PTPRD: variants seen among roughly 807,000 people sequenced by gnomAD.
The protein encoded by PTPRD is protein tyrosine phosphatase receptor type D.
A neutral mutation model predicts 214.5 loss-of-function variants in PTPRD; 34 were observed. The observed-to-expected ratio is 0.16, with a 90% CI of 0.12 to 0.21. The LOEUF (loss-of-function observed/expected upper bound fraction) is 0.21, where lower values mean the gene tolerates loss of function less well. PTPRD is among the 10% of genes least tolerant of loss of function. The pLI, the probability that PTPRD is intolerant of heterozygous loss-of-function variation, is 1.00. For missense variants in PTPRD, 2,545 were observed against 2,398.7 expected (o/e 1.06, Z -1.27); for synonymous variants, 1,128 against 845.7 (o/e 1.33, Z -5.79).
chr9:8,551,555 T>A (rs1418676107), intron 14 of PTPRD, among the ~76,000 whole-genome samples: 1 of 152,098 alleles, frequency 6.6e-6, no homozygotes, highest in Non-Finnish European at 1.5e-5. Context: ...GATGCAAGAG[T>A]GATACAATTT....
intron 9 of PTPRD, among the ~76,000 whole-genome samples, chr9:9,223,630 A>G (rs753336554): frequency 1.4e-4 from 22 of 152,000 alleles, no homozygotes; most frequent in Non-Finnish European, 2.8e-4. Context: ...ACATCTCTCT[A>G]TGAAAGTAGA....
At chr9:9,448,210 C>T (rs1490640166) in intron 8 of PTPRD, among the ~76,000 whole-genome samples, 10 of 151,972 alleles carry the variant, frequency 6.6e-5, no homozygotes, top group Admixed American at 5.9e-4. Flanking sequence ...CACATTTATA[C>T]ACTTAGTCAA....
intron 39 of PTPRD, among the ~76,000 whole-genome samples, chr9:8,362,019 A>G (rs915282477): frequency 2.0e-5 from 3 of 152,254 alleles, no homozygotes; most frequent in African/African-American, 7.2e-5. Flanking sequence ...GAGATTGCCC[A>G]TGCAGAAATG....
rs189140605 is a variant in PTPRD at position 10,147,744 on chromosome 9, G to C, written c.-544-113954C>G. ...AAAATAGAAAAATTAGCCAGGCATTGCGGCAGGCTCCTGTAATCCCAGCCA... is the reference window on the plus strand; with the variant it reads ...AAAATAGAAAAATTAGCCAGGCATTCCGGCAGGCTCCTGTAATCCCAGCCA... On this transcript the variant is annotated intron_variant, in intron 3 of 45. Transcript: ENST00000381196. Among the ~76,000 whole-genome samples, 82 of 152,204 alleles carry C rather than the reference G, an allele frequency of 5.4e-4. 1 individual carries two copies. The highest frequency in any genetic ancestry group is 4.5e-3 in the Admixed American group (68 of 15,262).
chr9:8,877,146 C>T (rs2098400840), intron 11 of PTPRD, among the ~76,000 whole-genome samples: 2 of 151,956 alleles, frequency 1.3e-5, no homozygotes, highest in South Asian at 2.1e-4. Flanking sequence ...AGGATGGTCT[C>T]CATCTCCTGA....
At chr9:8,649,208 G>A (rs1380194083) in intron 12 of PTPRD, among the ~76,000 whole-genome samples, 3 of 152,192 alleles carry the variant, frequency 2.0e-5, no homozygotes, top group East Asian at 3.8e-4. Context: ...GTGATGAACT[G>A]TACTAGCTTC....
chr9:9,973,135 A>T (rs887860133), intron 4 of PTPRD, among the ~76,000 whole-genome samples: 4 of 152,006 alleles, frequency 2.6e-5, no homozygotes, highest in African/African-American at 9.7e-5. Flanking sequence ...TCTCTCCAAC[A>T]GGGTTAACTT....
intron 7 of PTPRD, among the ~76,000 whole-genome samples, chr9:9,703,330 T>A (rs1454928014): frequency 6.6e-6 from 1 of 152,218 alleles, no homozygotes; most frequent in African/African-American, 2.4e-5. Context: ...TATTTCTTTA[T>A]AGCAGTGTGA....
intron 3 of PTPRD, among the ~76,000 whole-genome samples, chr9:10,260,313 T>C (rs1306534148): frequency 1.3e-5 from 2 of 152,156 alleles, no homozygotes; most frequent in Non-Finnish European, 2.9e-5. Flanking sequence ...CACAGAGATA[T>C]AATGTTAAAT....
intron 11 of PTPRD, among the ~76,000 whole-genome samples, chr9:8,904,021 ACTT>A (rs1302012009): frequency 2.0e-5 from 3 of 152,314 alleles, no homozygotes; most frequent in South Asian, 2.1e-4. Context: ...TATTTTTTCA[ACTT>A]CTTATTCTGA....
At chr9:9,602,107 A>G (rs530635909) in intron 7 of PTPRD, among the ~76,000 whole-genome samples, 4 of 152,152 alleles carry the variant, frequency 2.6e-5, no homozygotes, top group African/African-American at 7.2e-5. Context: ...GAAAATTCCA[A>G]TATTTTTTCA....
In PTPRD at chr9:9,017,612, A is replaced by G. The variant is rs143625256; in HGVS notation, c.-104+1085T>C. Among the ~76,000 whole-genome samples, 737 of 152,276 alleles carry G rather than the reference A, an allele frequency of 4.8e-3. 5 individuals are homozygous for G. The highest frequency in any genetic ancestry group is 0.017 in the African/African-American group (708 of 41,558). ...TTCATAAATATAGAAAGTTTAGAAC[A>G]CTAGTAAGGAAACTTGAAATAAATC... On this transcript the variant is annotated intron_variant, in intron 11 of 45. Transcript: ENST00000381196.
intron 11 of PTPRD, among the ~76,000 whole-genome samples, chr9:8,770,037 T>A (rs58643799): frequency 0.046 from 7,024 of 152,208 alleles, 404 homozygotes; most frequent in African/African-American, 0.13. Flanking sequence ...TCCCAGCACT[T>A]TGGGAGGCCG....
At chr9:8,947,148 C>T (rs1164139799) in intron 11 of PTPRD, among the ~76,000 whole-genome samples, 2 of 150,982 alleles carry the variant, frequency 1.3e-5, no homozygotes, top group Non-Finnish European at 2.9e-5. Flanking sequence ...AATTTCAATG[C>T]AGCTTTATTT....
chr9:10,251,878 G>T (rs2498609), intron 3 of PTPRD, among the ~76,000 whole-genome samples: 21,086 of 152,074 alleles, frequency 0.14, 1,513 homozygotes, highest in Admixed American at 0.15. Flanking sequence ...AAGGGGAAAT[G>T]TTGGTTTCAG....
intron 5 of PTPRD, among the ~76,000 whole-genome samples, chr9:9,779,679 G>C (rs1384170118): frequency 6.6e-6 from 1 of 152,118 alleles, no homozygotes; most frequent in Non-Finnish European, 1.5e-5. Context: ...TAGTCAGAAT[G>C]GCTATTATTA....
At chr9:9,402,850 G>T (rs1438161497) in intron 8 of PTPRD, among the ~76,000 whole-genome samples, 1 of 150,152 alleles carries the variant, frequency 6.7e-6, no homozygotes, top group Non-Finnish European at 1.5e-5. Context: ...TGGGCAGGCA[G>T]AGCTGAAGAA....
At chr9:8,953,081 T>TC (rs1048022690) in intron 11 of PTPRD, among the ~76,000 whole-genome samples, 34 of 151,132 alleles carry the variant, frequency 2.2e-4, no homozygotes, top group African/African-American at 5.9e-4. Context: ...TTTTTTTTTT[T>TC]AGATAAAATA....
intron 9 of PTPRD, among the ~76,000 whole-genome samples, chr9:9,385,081 C>T (rs2063478563): frequency 6.6e-6 from 1 of 152,004 alleles, no homozygotes; most frequent in Admixed American, 6.6e-5. Flanking sequence ...ATAGGTTGAA[C>T]AAACACAGGT....
Sources: allele counts gnomAD v4.1 joint callset (sites outside exome capture counted in the v4.1 genomes callset), GRCh38; gene constraint gnomAD v4.1.1; transcripts MANE v1.5; gene names NCBI Gene and HGNC (gene_info 2026-07-23, HGNC 2026-07-21).